The following ACADM variants were observed in gnomAD, a reference collection of about 807,000 sequenced individuals.
The protein encoded by ACADM is medium-chain specific acyl-CoA dehydrogenase, mitochondrial.
Under a neutral mutation model 58.9 loss-of-function variants are expected in ACADM, and 49 were observed. The ratio of observed to expected loss-of-function variants is 0.83; its 90% CI spans 0.66 to 1.06. ACADM has a LOEUF of 1.06. Among genes scored for constraint, ACADM ranks in the 50% least tolerant of loss-of-function variants. The pLI is 0.00. For missense variants in ACADM, 496 were observed against 507.0 expected (o/e 0.98, Z 0.21); for synonymous variants, 160 against 157.7 (o/e 1.01, Z -0.11).
At chr1:75,746,423 C>A (rs1236413139) in intron 8 of ACADM, among the ~76,000 whole-genome samples, 1 of 152,024 alleles carries the variant, frequency 6.6e-6, no homozygotes, top group Non-Finnish European at 1.5e-5. Flanking sequence ...GCAAGAAAAT[C>A]TTACTTAAAT....
At chr1:75,743,212 G>A (rs1570881921) in intron 7 of ACADM, among the ~76,000 whole-genome samples, 1 of 152,186 alleles carries the variant, frequency 6.6e-6, no homozygotes, top group East Asian at 1.9e-4. Flanking sequence ...GATATTCGAG[G>A]GTATGAGACA....
intron 10 of ACADM, among the ~76,000 whole-genome samples, chr1:75,758,124 G>T (rs141499062): frequency 3.3e-5 from 5 of 151,800 alleles, no homozygotes; most frequent in Non-Finnish European, 5.9e-5. Flanking sequence ...GTGTAATGGC[G>T]TAATCTTGGC....
At chr1:75,734,603 T>C in intron 5 of ACADM, 188 bp from the exon 6 acceptor site, 1 of 573,648 alleles carries the variant, frequency 1.7e-6, no homozygotes, top group Admixed American at 3.0e-5. Flanking sequence ...TATAACCTAA[T>C]TTTATGAAAA....
chr1:75,724,920 A>G (rs561520228), intron 1 of ACADM, 103 bp downstream of exon 1: 2 of 1,235,064 alleles, frequency 1.6e-6, no homozygotes, highest in Non-Finnish European at 2.1e-6. Flanking sequence ...AGGAGTGGGA[A>G]GTCGGGCTGA....
chr1:75,738,717 T>C (rs985413986), intron 6 of ACADM, among the ~76,000 whole-genome samples: 1 of 151,382 alleles, frequency 6.6e-6, no homozygotes, highest in African/African-American at 2.4e-5. Context: ...AATGCTAGGA[T>C]TACAGGTGGG....
At chr1:75,755,442 T>C (rs1770513) in intron 10 of ACADM, among the ~76,000 whole-genome samples, 140,125 of 152,238 alleles carry the variant, frequency 0.92, 64,667 homozygotes, top group African/African-American at 0.95. Context: ...GCAATGTTTG[T>C]CATTCTGCAA....
intron 7 of ACADM, chr1:75,743,318 A>C: frequency 1.5e-6 from 2 of 1,325,600 alleles, no homozygotes; most frequent in Non-Finnish European, 2.1e-6. Context: ...GGCCAACAGC[A>C]TGTGCCTGTC....
chr1:75,738,241 T>A (rs1294095109), intron 6 of ACADM, among the ~76,000 whole-genome samples: 1 of 151,746 alleles, frequency 6.6e-6, no homozygotes, highest in Non-Finnish European at 1.5e-5. Flanking sequence ...TTTTTTTTTC[T>A]GAAATGGAGT....
rs1647867415 is a variant in ACADM, at chr1:75,745,838, C to G, written c.632C>G (p.Pro211Arg). 1 of 1,613,782 alleles carries G rather than the reference C, an allele frequency of 6.2e-7. No individual in the cohort carries two copies. The highest frequency in any genetic ancestry group is 8.5e-7 in the Non-Finnish European group (1 of 1,179,914). ...TTATTGGCACGTTCTGATCCAGATC[C>G]TAAAGCTCCTGCTAATAAAGCCTTT... ...YFLLARSDPDPKAPANKAFTG... is the reference protein window; with the variant it reads ...YFLLARSDPDRKAPANKAFTG... Residue 211 changes from proline (P) to arginine (R), a missense_variant, in exon 8 of 12, where the codon CCT (proline) becomes CGT (arginine). By Grantham distance (103) the Pro-to-Arg change is moderately radical. Transcript: ENST00000370841.
At chr1:75,748,878 C>G (rs1324999039) in intron 8 of ACADM, among the ~76,000 whole-genome samples, 4 of 143,428 alleles carry the variant, frequency 2.8e-5, no homozygotes, top group Non-Finnish European at 6.0e-5. Flanking sequence ...AATTATACCT[C>G]AGTAAACCTA....
At position 75,728,488 on chromosome 1, in the gene ACADM, G is replaced by T; in HGVS notation, c.118G>T (p.Glu40Ter). ...TGAACCAGGATTAGGATTTAGTTTT[G>T]GTATATGTTCGGTTCTATCTTTTGA... ...QREPGLGFSF[E>*]FTEQQKEFQA... is the part of the protein sequence containing the mutation. Residue 40 changes from glutamate to a stop codon, truncating the protein, a stop_gained and splice_region_variant, in exon 2 of 12, where the codon GAG becomes TAG. Coordinates refer to ENST00000370841, the MANE Select transcript of ACADM (RefSeq NM_000016.6). LOFTEE classifies it high-confidence loss of function. 6.2e-7 allele frequency: 1 copy of T among 1,608,572 alleles called. No individual in the cohort carries two copies. The highest frequency in any genetic ancestry group is 1.1e-5 in the South Asian group (1 of 90,922).
Position 75,759,574 on chromosome 1 carries a change from A to AG in ACADM, c.946-1547dup, listed in dbSNP as rs550935097. Among the ~76,000 whole-genome samples the AG allele has an allele frequency of 6.6e-5, 10 of 152,190 alleles. No individual in the cohort carries two copies. In the South Asian group the frequency reaches 2.1e-3, roughly 32 times the overall value. On this transcript the variant is annotated intron_variant, in intron 10 of 11. Coordinates refer to ENST00000370841, the MANE Select transcript of ACADM (RefSeq NM_000016.6). The stretch of plus-strand genomic sequence containing the variant: ...TTTAATTCTGAGCCTCTAGAGTCTA[A>AG]GAAGCATCTTTTAGTTGTCCTTTCC...
chr1:75,747,916 T>C (rs911854430), intron 8 of ACADM, among the ~76,000 whole-genome samples: 5 of 152,336 alleles, frequency 3.3e-5, no homozygotes, highest in East Asian at 1.9e-4. Flanking sequence ...TGCATGGTGG[T>C]CCAAGATTCT....
intron 6 of ACADM, among the ~76,000 whole-genome samples, chr1:75,735,422 A>G (rs2100373535): frequency 1.3e-5 from 2 of 152,270 alleles, no homozygotes; most frequent in Non-Finnish European, 2.9e-5. Context: ...AAGTGTCATA[A>G]TAATCCTCTT....
chr1:75,744,068 C>G (rs964567188), intron 7 of ACADM: 16 of 1,587,610 alleles, frequency 1.0e-5, no homozygotes, highest in Admixed American at 1.0e-4. Flanking sequence ...CTCCTTCAGA[C>G]GCTGAGCAAT....
At chr1:75,755,095 T>C (rs1570900304) in intron 10 of ACADM, 1 of 152,420 alleles carries the variant, frequency 6.6e-6, no homozygotes, top group Non-Finnish European at 1.5e-5. Flanking sequence ...CTTGAGTAGG[T>C]AAACAAAGTG....
chr1:75,753,708 C>T (rs1250118114), intron 10 of ACADM, among the ~76,000 whole-genome samples: 2 of 150,730 alleles, frequency 1.3e-5, no homozygotes, highest in Admixed American at 6.6e-5. Flanking sequence ...TTTTTCCTTA[C>T]TGCTTAACTC....
intron 7 of ACADM, chr1:75,743,865 A>G (rs878882768): frequency 2.1e-6 from 3 of 1,417,090 alleles, no homozygotes; most frequent in Non-Finnish European, 3.0e-6. Context: ...CTTTGGTTAT[A>G]TCATCAATCA....
intron 10 of ACADM, among the ~76,000 whole-genome samples, chr1:75,756,225 CAAGAG>C (rs1400592585): frequency 6.6e-5 from 10 of 152,026 alleles, no homozygotes; most frequent in African/African-American, 2.4e-4. Flanking sequence ...GGCAGTCAGG[CAAGAG>C]AAGGAAATAA....
Sources: allele counts gnomAD v4.1 joint callset (sites outside exome capture counted in the v4.1 genomes callset), GRCh38; gene constraint gnomAD v4.1.1; transcripts MANE v1.5; gene names NCBI Gene and HGNC (gene_info 2026-07-23, HGNC 2026-07-21).